Variants in GPR89B observed in about 807,000 individuals in gnomAD.
The protein encoded by GPR89B is G protein-coupled receptor 89B.
Under a neutral mutation model 52.4 loss-of-function variants are expected in GPR89B, and 25 were observed. That is an observed-to-expected ratio of 0.48 (90% CI 0.35 to 0.67). The LOEUF is 0.67. Among genes scored for constraint, GPR89B ranks in the 30% least tolerant of loss-of-function variants. The pLI is 0.01. For missense variants in GPR89B, 146 were observed against 450.2 expected (o/e 0.32, Z 6.11); for synonymous variants, 52 against 151.2 (o/e 0.34, Z 4.81).
At chr1:147,937,554 A>G (rs1370423084) in intron 2 of GPR89B, among the ~76,000 whole-genome samples, 1 of 152,136 alleles carries the variant, frequency 6.6e-6, no homozygotes, top group Non-Finnish European at 1.5e-5. Context: ...ACACTCCCAG[A>G]GCGGCCATTC....
chr1:147,972,022 A>G (rs1351543890), intron 10 of GPR89B, among the ~76,000 whole-genome samples: 1 of 151,774 alleles, frequency 6.6e-6, no homozygotes, highest in Admixed American at 6.5e-5. Flanking sequence ...GCTTTCTCTC[A>G]TTATATATTA....
intron 10 of GPR89B, among the ~76,000 whole-genome samples, chr1:147,977,405 T>C (rs1391390617): frequency 3.3e-5 from 5 of 151,656 alleles, no homozygotes; most frequent in Non-Finnish European, 7.4e-5. Flanking sequence ...ATTTCGACCT[T>C]GGAGAATCTG....
intron 2 of GPR89B, among the ~76,000 whole-genome samples, chr1:147,938,211 T>G (rs6684427): frequency 4.6e-5 from 7 of 152,286 alleles, no homozygotes; most frequent in Admixed American, 1.3e-4. Context: ...TAAGATCAGT[T>G]GTTATAGTCT....
the GPR89B span, among the ~76,000 whole-genome samples, chr1:148,015,293 A>ATCTCCC: frequency 0.021 from 1,450 of 69,846 alleles, 33 homozygotes; most frequent in African/African-American, 0.059. Context: ...GGATTCTAGG[A>ATCTCCC]TCTCTCTCTC....
In GPR89B at chr1:147,936,690, A is replaced by C. The variant is rs1553247982; in HGVS notation, c.102+4A>C. 1 of 1,604,804 alleles carries C rather than the reference A, an allele frequency of 6.2e-7. No homozygotes were observed. Among genetic ancestry groups the C allele is most frequent in the East Asian group, 2.2e-5 (1 of 44,724 alleles). ...CCAATTGTTTAAAGACTATGAGGTG[A>C]GAAGAAATCATTTTGTCATACTTAC... On this transcript the variant is annotated splice_donor_region_variant and intron_variant, in intron 2 of 13. Coordinates refer to ENST00000314163, the MANE Select transcript of GPR89B (RefSeq NM_016334.5).
At chr1:147,950,119 C>G (rs1379278330) in intron 5 of GPR89B, among the ~76,000 whole-genome samples, 1 of 151,350 alleles carries the variant, frequency 6.6e-6, no homozygotes, top group African/African-American at 2.4e-5. Context: ...CGGGCAGAGA[C>G]GCTCCTCACT....
intron 12 of GPR89B, among the ~76,000 whole-genome samples, chr1:147,990,170 A>G (rs1232895095): frequency 1.4e-4 from 21 of 152,134 alleles, no homozygotes; most frequent in African/African-American, 4.6e-4. Context: ...CTGGTGTGTG[A>G]TGGTATCTCA....
intron 12 of GPR89B, among the ~76,000 whole-genome samples, chr1:147,991,551 T>G (rs1448735266): frequency 1.3e-5 from 2 of 152,114 alleles, no homozygotes; most frequent in Non-Finnish European, 2.9e-5. Flanking sequence ...ATGCTTCCAG[T>G]TTTTGCCCAT....
intron 12 of GPR89B, 108 bp from the exon 13 acceptor site, chr1:147,992,394 T>C: frequency 1.3e-6 from 1 of 790,488 alleles, no homozygotes; most frequent in Non-Finnish European, 2.3e-6. Context: ...TATACAGGAT[T>C]GTGGCATGGA....
chr1:147,990,525 T>G (rs1658982842), intron 12 of GPR89B, among the ~76,000 whole-genome samples: 1 of 152,120 alleles, frequency 6.6e-6, no homozygotes. Context: ...TCCTTGCCCA[T>G]GCCTATGTCC....
chr1:148,000,267 T>G, the GPR89B span, among the ~76,000 whole-genome samples: 3 of 151,386 alleles, frequency 2.0e-5, no homozygotes, highest in African/African-American at 7.3e-5. Context: ...TTTCCATATC[T>G]CCTTTCAACT....
At chr1:147,970,674 G>A (rs1657402084) in intron 10 of GPR89B, among the ~76,000 whole-genome samples, 1 of 150,658 alleles carries the variant, frequency 6.6e-6, no homozygotes, top group Non-Finnish European at 1.5e-5. Flanking sequence ...CTTCAGCTCA[G>A]AAGTTACTTG....
chr1:147,972,284 A>G (rs1657527487), intron 10 of GPR89B, among the ~76,000 whole-genome samples: 1 of 151,552 alleles, frequency 6.6e-6, no homozygotes, highest in Admixed American at 6.6e-5. Flanking sequence ...GTTGCTGTGA[A>G]CACTTGTGTA....
At chr1:148,025,067 C>A in the GPR89B span, among the ~76,000 whole-genome samples, 68 of 151,990 alleles carry the variant, frequency 4.5e-4, 1 homozygote, top group Non-Finnish European at 7.8e-4. Context: ...TCACCCCCGC[C>A]CCCAGTTAAT....
intron 1 of GPR89B, among the ~76,000 whole-genome samples, chr1:147,934,735 T>C (rs1553247575): frequency 6.6e-6 from 1 of 152,050 alleles, no homozygotes; most frequent in East Asian, 1.9e-4. Context: ...ATTTCTATCA[T>C]TGCACATCCA....
At chr1:147,945,763 C>A (rs1203309787) in intron 5 of GPR89B, among the ~76,000 whole-genome samples, 4 of 151,014 alleles carry the variant, frequency 2.6e-5, no homozygotes, top group African/African-American at 9.7e-5. Context: ...GTCTCACTCT[C>A]ACCCAGGCTG....
chr1:148,005,531 C>T, the GPR89B span: 17 of 1,597,894 alleles, frequency 1.1e-5, no homozygotes, highest in African/African-American at 2.4e-4. Context: ...TAGGGGTAAA[C>T]TCCATGTGGA....
At chr1:147,965,146 A>G (rs1656940106) in intron 7 of GPR89B, among the ~76,000 whole-genome samples, 1 of 150,756 alleles carries the variant, frequency 6.6e-6, no homozygotes, top group African/African-American at 2.5e-5. Context: ...AGAAAGAGCT[A>G]AAAGAGCTGT....
intron 11 of GPR89B, among the ~76,000 whole-genome samples, chr1:147,986,747 G>GT (rs1658697123): frequency 1.3e-5 from 2 of 151,530 alleles, no homozygotes; most frequent in African/African-American, 4.9e-5. Context: ...GATTTCTGCT[G>GT]TAAGAAATGA....
Sources: allele counts gnomAD v4.1 joint callset (sites outside exome capture counted in the v4.1 genomes callset), GRCh38; gene constraint gnomAD v4.1.1; transcripts MANE v1.5; gene names NCBI Gene and HGNC (gene_info 2026-07-23, HGNC 2026-07-21).